Variants in SGCZ observed in about 807,000 individuals in gnomAD.
SGCZ encodes the protein sarcoglycan zeta.
A neutral mutation model predicts 41.3 loss-of-function variants in SGCZ; 40 were observed. The observed-to-expected ratio is 0.97, with a 90% CI of 0.75 to 1.26. The LOEUF (loss-of-function observed/expected upper bound fraction) is 1.26. Among genes scored for constraint, SGCZ ranks in the 50% most tolerant of loss-of-function variants. The pLI, the probability that SGCZ is intolerant of heterozygous loss-of-function variation, is 0.00. For missense variants in SGCZ, 552 were observed against 369.8 expected, an observed-to-expected ratio of 1.49 and a Z score of -4.04; for synonymous variants, 206 against 137.5, an observed-to-expected ratio of 1.50 and a Z score of -3.49.
chr8:14,429,643 A>G (rs1232665601), intron 2 of SGCZ, among the ~76,000 whole-genome samples: 1 of 152,236 alleles, frequency 6.6e-6, no homozygotes, highest in Non-Finnish European at 1.5e-5. Flanking sequence ...AGATGAGATC[A>G]TAATGGATTT....
At chr8:15,164,317 TCTTC>T in intron 1 of SGCZ, among the ~76,000 whole-genome samples, 1 of 152,238 alleles carries the variant, frequency 6.6e-6, no homozygotes, top group Non-Finnish European at 1.5e-5. Flanking sequence ...CATGCCTTTT[TCTTC>T]CTTTTACAGG....
intron 2 of SGCZ, among the ~76,000 whole-genome samples, chr8:14,538,843 A>G (rs1162625344): frequency 6.6e-6 from 1 of 151,886 alleles, no homozygotes; most frequent in African/African-American, 2.4e-5. Context: ...AAGATAGACC[A>G]AGTGTGCATT....
chr8:14,971,505 T>G (rs1419678682), intron 1 of SGCZ, among the ~76,000 whole-genome samples: 1 of 152,066 alleles, frequency 6.6e-6, no homozygotes, highest in Non-Finnish European at 1.5e-5. Flanking sequence ...TGTCAATGCT[T>G]TTTCTGAGAC....
At chr8:14,499,967 G>A (rs1384730589) in intron 2 of SGCZ, among the ~76,000 whole-genome samples, 1 of 151,674 alleles carries the variant, frequency 6.6e-6, no homozygotes, top group African/African-American at 2.4e-5. Context: ...ACCACCTACT[G>A]TCTTACAAAA....
In SGCZ at chr8:14,566,141, T is replaced by A. The variant is rs139790592; in HGVS notation, c.40-11215A>T. On this transcript the variant is annotated intron_variant, in intron 1 of 7. Transcript: ENST00000382080. ...AGATCTTGCAGAGACCAACAAAGTC[T>A]AACTAAAATAAGTGTTTAATCAGAA... Among the ~76,000 whole-genome samples the A allele has an allele frequency of 1.7e-4, 26 of 152,326 alleles. No individual in the cohort carries two copies. The East Asian group carries it at 3.9e-3, about 23-fold the overall frequency.
chr8:14,401,923 A>C (rs968383428), intron 2 of SGCZ, among the ~76,000 whole-genome samples: 10 of 150,536 alleles, frequency 6.6e-5, no homozygotes, highest in Non-Finnish European at 1.5e-4. Flanking sequence ...AAGTGTTCCT[A>C]TTTCTCCACA....
chr8:14,604,061 C>A (rs1198812716), intron 1 of SGCZ, among the ~76,000 whole-genome samples: 3 of 151,956 alleles, frequency 2.0e-5, no homozygotes, highest in Non-Finnish European at 4.4e-5. Context: ...ATTTTTTGTT[C>A]CCCGAGAAAT....
chr8:14,986,058 G>A (rs184074829), intron 1 of SGCZ, among the ~76,000 whole-genome samples: 10 of 151,980 alleles, frequency 6.6e-5, no homozygotes, highest in African/African-American at 2.4e-4. Context: ...ATGCATTACA[G>A]TAAATTACAC....
intron 2 of SGCZ, among the ~76,000 whole-genome samples, chr8:14,399,478 C>T (rs118103716): frequency 0.012 from 1,795 of 151,988 alleles, 17 homozygotes; most frequent in Non-Finnish European, 0.019. Flanking sequence ...TTTATTTATG[C>T]CTGGATATAT....
intron 1 of SGCZ, among the ~76,000 whole-genome samples, chr8:14,687,916 G>A (rs187183731): frequency 6.8e-4 from 103 of 152,226 alleles, no homozygotes; most frequent in Middle Eastern, 6.8e-3. Flanking sequence ...ATCTCATTGT[G>A]GTTTTGATGT....
At chr8:15,158,407 T>G (rs535780467) in intron 1 of SGCZ, among the ~76,000 whole-genome samples, 12 of 152,310 alleles carry the variant, frequency 7.9e-5, no homozygotes, top group Non-Finnish European at 1.8e-4. Context: ...TATGTGCATA[T>G]AGCAATAAAT....
chr8:15,055,480 AG>A (rs1804671876), intron 1 of SGCZ, among the ~76,000 whole-genome samples: 1 of 152,212 alleles, frequency 6.6e-6, no homozygotes, highest in African/African-American at 2.4e-5. Context: ...TACGAATTTC[AG>A]GAAAAAAACA....
intron 1 of SGCZ, among the ~76,000 whole-genome samples, chr8:14,978,240 G>GA (rs1021762165): frequency 6.6e-6 from 1 of 151,376 alleles, no homozygotes; most frequent in Non-Finnish European, 1.5e-5. Flanking sequence ...GGCTGAGGGG[G>GA]GTGGATCACC....
At chr8:15,160,107 T>C (rs1039988817) in intron 1 of SGCZ, among the ~76,000 whole-genome samples, 4 of 152,170 alleles carry the variant, frequency 2.6e-5, no homozygotes, top group Non-Finnish European at 5.9e-5. Flanking sequence ...CATTGTTGTA[T>C]AACCAGTCTC....
At chr8:14,235,441 T>A (rs2117161368) in intron 4 of SGCZ, among the ~76,000 whole-genome samples, 1 of 152,330 alleles carries the variant, frequency 6.6e-6, no homozygotes, top group East Asian at 1.9e-4. Context: ...AACATTTTTT[T>A]CTTTCTCCGT....
At chr8:14,329,214 C>A (rs1309741312) in intron 2 of SGCZ, among the ~76,000 whole-genome samples, 1 of 152,062 alleles carries the variant, frequency 6.6e-6, no homozygotes, top group African/African-American at 2.4e-5. Flanking sequence ...TGAAACTTGA[C>A]TTTTTTATTT....
Position 14,359,696 on chromosome 8 carries a change from A to T in SGCZ, c.235-35492T>A, listed in dbSNP as rs546874578. On this transcript the variant is annotated intron_variant, in intron 2 of 7. Coordinates refer to ENST00000382080, the MANE Select transcript of SGCZ (RefSeq NM_139167.4). Reference sequence around the variant, plus strand: ...ACCTCACTATTGAAGCTGGAGAAACATTTAAAGAACTAATATCGATTCTAC... The same window carrying T: ...ACCTCACTATTGAAGCTGGAGAAACTTTTAAAGAACTAATATCGATTCTAC... 5.9e-5 allele frequency among the ~76,000 whole-genome samples: 9 copies of T among 152,260 alleles called. No homozygotes were observed. In the South Asian group the frequency reaches 1.9e-3, roughly 32 times the overall value.
intron 1 of SGCZ, among the ~76,000 whole-genome samples, chr8:14,558,533 C>T (rs1438742411): frequency 6.9e-6 from 1 of 144,414 alleles, no homozygotes; most frequent in Non-Finnish European, 1.5e-5. Context: ...AGAGATGGTG[C>T]CACTGCACTT....
intron 1 of SGCZ, among the ~76,000 whole-genome samples, chr8:14,990,138 A>G (rs73665353): frequency 0.048 from 7,370 of 152,252 alleles, 558 homozygotes; most frequent in African/African-American, 0.16. Context: ...TACTTTATAA[A>G]GTGAAGAAAT....
Sources: gnomAD v4.1 joint callset for allele counts (sites outside exome capture counted in the v4.1 genomes callset) on GRCh38, gnomAD v4.1.1 for gene constraint, MANE v1.5 for transcripts, NCBI Gene and HGNC (gene_info 2026-07-23, HGNC 2026-07-21) for gene names.